Variants in GRAMD1C observed in about 807,000 individuals in gnomAD.
The protein encoded by GRAMD1C is GRAM domain containing 1C, also known as protein Aster-C.
Under a neutral mutation model 97.8 loss-of-function variants are expected in GRAMD1C, and 89 were observed. That is an observed-to-expected ratio of 0.91 (90% CI 0.77 to 1.09). The LOEUF (loss-of-function observed/expected upper bound fraction) is 1.09, where lower values mean the gene tolerates loss of function less well. Ranked by LOEUF, GRAMD1C falls within the 50% of genes least tolerant of loss-of-function variation. The pLI is 0.00. For missense variants in GRAMD1C, 740 were observed against 766.4 expected, an observed-to-expected ratio of 0.97 and a Z score of 0.41; for synonymous variants, 256 against 267.0, an observed-to-expected ratio of 0.96 and a Z score of 0.40.
chr3:113,838,587 A>C (rs909140249), upstream of GRAMD1C: 2 of 301,952 alleles, frequency 6.6e-6, no homozygotes, highest in Non-Finnish European at 1.2e-5. Context: ...AAAAAAAAAA[A>C]AAAAAGTTTC....
At chr3:113,872,705 TA>T (rs920416891) in intron 3 of GRAMD1C, among the ~76,000 whole-genome samples, 6 of 149,090 alleles carry the variant, frequency 4.0e-5, no homozygotes, top group East Asian at 2.0e-4. Context: ...AAGAAGCCAT[TA>T]AAAAAAAATC....
chr3:113,891,519 C>T (rs1347167223), intron 6 of GRAMD1C, among the ~76,000 whole-genome samples: 1 of 151,940 alleles, frequency 6.6e-6, no homozygotes, highest in Non-Finnish European at 1.5e-5. Context: ...ATAAAATATA[C>T]AGCATAGCTA....
chr3:113,931,110 A>C (rs1020658657), intron 11 of GRAMD1C, among the ~76,000 whole-genome samples: 4 of 152,220 alleles, frequency 2.6e-5, no homozygotes, highest in Non-Finnish European at 5.9e-5. Flanking sequence ...ATTAAAGAAA[A>C]TAATATTTAT....
At position 113,877,135 on chromosome 3, in the gene GRAMD1C, C is replaced by G. The variant is rs1935078525; in HGVS notation, c.459+875C>G. Among the ~76,000 whole-genome samples, 3 of 152,304 alleles carry G rather than the reference C, an allele frequency of 2.0e-5. No individual in the cohort carries two copies. The South Asian group carries it at 6.2e-4, about 32-fold the overall frequency. On this transcript the variant is annotated intron_variant, in intron 5 of 17. Coordinates refer to ENST00000358160, the MANE Select transcript of GRAMD1C (RefSeq NM_017577.5). ...TAGCTGGGACTTCTGGTGTGCACCACTGAGCCTGGCTATTTTTATTTTTAA... is the reference window on the plus strand; with the variant it reads ...TAGCTGGGACTTCTGGTGTGCACCAGTGAGCCTGGCTATTTTTATTTTTAA...
rs774824351 is a variant in GRAMD1C at position 113,946,091 on chromosome 3, GAAAT to G, written c.*615_*618del. On this transcript the variant is annotated 3_prime_UTR_variant, in exon 18 of 18. Transcript: ENST00000358160. ...TCTGCCATGCTGTATCTTTATGAAAGAAATAGTTGTTTTTTCTTAAGGTAACTAT... is the reference window on the plus strand; with the variant it reads ...TCTGCCATGCTGTATCTTTATGAAAGAGTTGTTTTTTCTTAAGGTAACTAT... The G allele has an allele frequency of 6.6e-6, 1 of 152,488 alleles. No individual in the cohort carries two copies. Among genetic ancestry groups the G allele is most frequent in the Non-Finnish European group, 1.5e-5 (1 of 68,014 alleles). 9.4% of individuals were successfully genotyped at this position (152,488 alleles called of 1,614,324 possible).
At chr3:113,863,698 A>G (rs1334765511) in intron 2 of GRAMD1C, among the ~76,000 whole-genome samples, 1 of 152,182 alleles carries the variant, frequency 6.6e-6, no homozygotes, top group African/African-American at 2.4e-5. Flanking sequence ...CCCTGCCTCC[A>G]TGATTTTGCT....
At chr3:113,934,030 G>A (rs919070108) in intron 12 of GRAMD1C, among the ~76,000 whole-genome samples, 4 of 152,102 alleles carry the variant, frequency 2.6e-5, no homozygotes, top group African/African-American at 4.8e-5. Context: ...GAGAAATGTT[G>A]GTGCATTACA....
At chr3:113,917,855 G>GAT (rs1936884862) in intron 10 of GRAMD1C, among the ~76,000 whole-genome samples, 1 of 77,214 alleles carries the variant, frequency 1.3e-5, no homozygotes, top group Non-Finnish European at 2.5e-5. Context: ...ACCATGCTTG[G>GAT]CTTTTTTTTT....
At chr3:113,878,344 G>A (rs1172122150) in intron 5 of GRAMD1C, among the ~76,000 whole-genome samples, 1 of 152,038 alleles carries the variant, frequency 6.6e-6, no homozygotes, top group Non-Finnish European at 1.5e-5. Flanking sequence ...GATGTTTCAG[G>A]CTTTCCCTCC....
chr3:113,861,807 C>A (rs1270196673), intron 2 of GRAMD1C, among the ~76,000 whole-genome samples: 6 of 152,116 alleles, frequency 3.9e-5, no homozygotes, highest in Admixed American at 6.6e-5. Flanking sequence ...TATTGGGGAA[C>A]CTGCCCCCAG....
At chr3:113,910,897 CA>C (rs1936545174) in intron 9 of GRAMD1C, among the ~76,000 whole-genome samples, 1 of 152,124 alleles carries the variant, frequency 6.6e-6, no homozygotes, top group African/African-American at 2.4e-5. Flanking sequence ...GCCTACCCAA[CA>C]TACTCCTTCC....
At chr3:113,833,504 G>A (rs961911865) in intron 1 of GRAMD1C, among the ~76,000 whole-genome samples, 1 of 151,896 alleles carries the variant, frequency 6.6e-6, no homozygotes, top group Non-Finnish European at 1.5e-5. Flanking sequence ...CCTGCCCAAG[G>A]CAGGTGTCCT....
chr3:113,834,934 C>T (rs1354801716), upstream of GRAMD1C, among the ~76,000 whole-genome samples: 9 of 59,456 alleles, frequency 1.5e-4, no homozygotes, highest in Non-Finnish European at 2.9e-4. Context: ...AGTGAAACTC[C>T]GTCTCAAAAA....
chr3:113,858,821 A>G (rs1241212011), intron 2 of GRAMD1C, among the ~76,000 whole-genome samples: 1 of 152,032 alleles, frequency 6.6e-6, no homozygotes, highest in Admixed American at 6.6e-5. Context: ...GGCTTCCCAA[A>G]GTGCTAAGAT....
intron 2 of GRAMD1C, among the ~76,000 whole-genome samples, chr3:113,862,461 G>C (rs1180044414): frequency 6.6e-6 from 1 of 152,214 alleles, no homozygotes; most frequent in African/African-American, 2.4e-5. Flanking sequence ...CTCACTGACA[G>C]TCAGAGTTTA....
chr3:113,869,410 G>A, intron 2 of GRAMD1C, 97 bp from the exon 3 acceptor site: 1 of 712,552 alleles, frequency 1.4e-6, no homozygotes, highest in South Asian at 1.6e-5. Flanking sequence ...ACAAAATATT[G>A]CATAGAAAGC....
intron 1 of GRAMD1C, among the ~76,000 whole-genome samples, chr3:113,833,313 T>C (rs1271054248): frequency 6.6e-6 from 1 of 151,882 alleles, no homozygotes; most frequent in African/African-American, 2.4e-5. Flanking sequence ...AATTTTTGTA[T>C]TTTTAGTAGA....
In GRAMD1C at chr3:113,875,468, A is replaced by T. The variant is rs769781284; in HGVS notation, c.260-16A>T. 3.8e-6 allele frequency: 4 copies of T among 1,063,446 alleles called. No homozygotes were observed. The African/African-American group carries it at 6.1e-5, about 16-fold the overall frequency. The allele number at this position is 1,063,446 out of a possible 1,614,324, so 65.9% of individuals were successfully genotyped here. A position where few individuals can be genotyped will look rare whatever the true frequency, so the allele number is the denominator to read the frequency against. On this transcript the variant is annotated splice_polypyrimidine_tract_variant and intron_variant, in intron 3 of 17. Coordinates refer to ENST00000358160, the MANE Select transcript of GRAMD1C (RefSeq NM_017577.5). ...GATTTTCGTGAATAAGCTGTATCTT[A>T]TTTTTGTGTATATAGATTATGCTTG...
chr3:113,880,187 CT>C (rs1427974720), intron 5 of GRAMD1C, among the ~76,000 whole-genome samples: 1 of 151,902 alleles, frequency 6.6e-6, no homozygotes. Flanking sequence ...TATACCTTTT[CT>C]TTTTTTTAAC....
Sources: allele counts gnomAD v4.1 joint callset (sites outside exome capture counted in the v4.1 genomes callset), GRCh38; gene constraint gnomAD v4.1.1; transcripts MANE v1.5; gene names NCBI Gene and HGNC (gene_info 2026-07-23, HGNC 2026-07-21).